The following ATP2B1 variants were observed in gnomAD, a reference collection of about 807,000 sequenced individuals.
ATP2B1 encodes ATPase plasma membrane Ca2+ transporting 1.
Under a neutral mutation model 124.2 loss-of-function variants are expected in ATP2B1, and 14 were observed. The observed-to-expected ratio is 0.11, with a 90% confidence interval of 0.07 to 0.18. The LOEUF is 0.18. Ranked by LOEUF, ATP2B1 falls within the 10% of genes least tolerant of loss-of-function variation. ATP2B1 has a pLI of 1.00. For synonymous variants in ATP2B1, 449 were observed against 492.4 expected (o/e 0.91, Z 1.17); for missense variants, 763 against 1,466.1 (o/e 0.52, Z 7.83).
chr12:89,696,873 C>CAGCT (rs1481112314), intron 1 of ATP2B1, among the ~76,000 whole-genome samples: 1 of 152,096 alleles, frequency 6.6e-6, no homozygotes, highest in Non-Finnish European at 1.5e-5. Context: ...AGGTAGAAGG[C>CAGCT]AGCTACACAG....
chr12:89,702,293 T>C (rs1387377143), intron 1 of ATP2B1, among the ~76,000 whole-genome samples: 3 of 152,138 alleles, frequency 2.0e-5, no homozygotes, highest in African/African-American at 7.2e-5. Context: ...AGCTACTTTA[T>C]AAAAGGCCTT....
intron 15 of ATP2B1, among the ~76,000 whole-genome samples, chr12:89,604,577 G>T (rs549399408): frequency 3.3e-5 from 5 of 152,018 alleles, no homozygotes; most frequent in Non-Finnish European, 5.9e-5. Context: ...TTCAAGTTGG[G>T]TTAAAAATGG....
At chr12:89,662,335 T>C (rs1373381627) in intron 1 of ATP2B1, among the ~76,000 whole-genome samples, 1 of 152,176 alleles carries the variant, frequency 6.6e-6, no homozygotes, top group Non-Finnish European at 1.5e-5. Flanking sequence ...TTGCATGTAA[T>C]ATCTCACTCT....
chr12:89,636,383 G>A (rs1335575269), intron 3 of ATP2B1, among the ~76,000 whole-genome samples: 2 of 151,772 alleles, frequency 1.3e-5, no homozygotes, highest in Non-Finnish European at 2.9e-5. Flanking sequence ...AAACAAAATA[G>A]AAAGGATATG....
chr12:89,699,024 T>A (rs910579213), intron 1 of ATP2B1, among the ~76,000 whole-genome samples: 2 of 152,188 alleles, frequency 1.3e-5, no homozygotes, highest in African/African-American at 4.8e-5. Flanking sequence ...GGGAAAGATA[T>A]CTGGGTATCA....
chr12:89,598,372 T>A (rs1875105878), intron 20 of ATP2B1, among the ~76,000 whole-genome samples: 1 of 152,184 alleles, frequency 6.6e-6, no homozygotes, highest in Non-Finnish European at 1.5e-5. Flanking sequence ...AGCTCACAGA[T>A]TGCATCTAAT....
chr12:89,669,527 T>C (rs1887693449), intron 1 of ATP2B1, among the ~76,000 whole-genome samples: 1 of 152,156 alleles, frequency 6.6e-6, no homozygotes, highest in Non-Finnish European at 1.5e-5. Flanking sequence ...ACAACTTACG[T>C]AGTGCTTCAG....
chr12:89,632,577 T>C (rs1882038983), intron 5 of ATP2B1, among the ~76,000 whole-genome samples: 1 of 152,208 alleles, frequency 6.6e-6, no homozygotes, highest in African/African-American at 2.4e-5. Context: ...GCAGTGAATG[T>C]GCTCAGGCAA....
chr12:89,655,647 A>G, intron 2 of ATP2B1, 32 bp downstream of exon 2: 1 of 1,599,624 alleles, frequency 6.3e-7, no homozygotes, highest in Non-Finnish European at 8.6e-7. Context: ...CTCTTTGCAC[A>G]AAGAACCAAA....
Position 89,601,297 on chromosome 12 carries a change from G to T in ATP2B1, c.3168+29C>A, listed in dbSNP as rs781071734. 2.1e-6 allele frequency: 3 copies of T among 1,443,564 alleles called. No homozygotes were observed. The African/African-American group carries it at 4.4e-5, about 21-fold the overall frequency. The allele number at this position is 1,443,564 out of a possible 1,614,324, so 89.4% of individuals were successfully genotyped here. On this transcript the variant is annotated intron_variant, in intron 19 of 20. Coordinates refer to ENST00000428670, the MANE Select transcript of ATP2B1 (RefSeq NM_001366521.1). Reference sequence around the variant, plus strand: ...AAATTAAAAAAAAAAATCACTTTAGGTTTAAACAAAAACTGATGAAATTTT... The same window carrying T: ...AAATTAAAAAAAAAAATCACTTTAGTTTTAAACAAAAACTGATGAAATTTT...
chr12:89,620,129 T>C lies in ATP2B1; in HGVS notation c.1699A>G (p.Ile567Val), dbSNP rs766672297. The C allele has an allele frequency of 2.5e-6, 4 of 1,613,958 alleles. No homozygotes were observed. Among genetic ancestry groups the C allele is most frequent in the Non-Finnish European group, 3.4e-6 (4 of 1,179,982 alleles). The change falls in exon 11 of 21, where the codon ATA becomes GTA. Residue 567 changes from isoleucine to valine, a missense_variant. By Grantham distance (29) the Ile-to-Val change is conservative (BLOSUM62 3). Coordinates refer to ENST00000428670, the MANE Select transcript of ATP2B1 (RefSeq NM_001366521.1). ...ACTTTGTACAGTGCTTCTTCTGGTA[T>C]TTCATTTCTAACATCCTGATAATCC... ...KRDYQDVRNE[I>V]PEEALYKVYT... is the part of the protein sequence containing the mutation.
intron 13 of ATP2B1, 151 bp from the exon 14 acceptor site, chr12:89,610,659 CATGG>C: frequency 3.1e-6 from 2 of 646,448 alleles, no homozygotes; most frequent in Admixed American, 5.4e-5. Context: ...AATTCTTGGG[CATGG>C]ACCCAGATCT....
intron 20 of ATP2B1, among the ~76,000 whole-genome samples, chr12:89,596,954 G>A (rs1455882806): frequency 6.6e-6 from 1 of 152,088 alleles, no homozygotes; most frequent in Non-Finnish European, 1.5e-5. Flanking sequence ...TCTATCAAGG[G>A]TCATCTTGGG....
chr12:89,640,341 T>G (rs1481196615), intron 3 of ATP2B1, among the ~76,000 whole-genome samples: 1 of 152,220 alleles, frequency 6.6e-6, no homozygotes, highest in Non-Finnish European at 1.5e-5. Flanking sequence ...TTATCTATAG[T>G]GATTTTCAAC....
intron 15 of ATP2B1, among the ~76,000 whole-genome samples, chr12:89,607,421 G>A (rs1877131392): frequency 6.6e-6 from 1 of 152,246 alleles, no homozygotes; most frequent in South Asian, 2.1e-4. Flanking sequence ...AAGGACTTCT[G>A]CCTGAGACAC....
At chr12:89,662,391 A>G (rs183278861) in intron 1 of ATP2B1, among the ~76,000 whole-genome samples, 139 of 152,264 alleles carry the variant, frequency 9.1e-4, no homozygotes, top group African/African-American at 3.2e-3. Context: ...TATCAAACAG[A>G]TACTACAAGA....
intron 1 of ATP2B1, among the ~76,000 whole-genome samples, chr12:89,672,323 G>A (rs1014222112): frequency 2.0e-5 from 3 of 151,950 alleles, no homozygotes; most frequent in African/African-American, 4.8e-5. Flanking sequence ...GCATAGTGGC[G>A]GGTGCCTGTA....
chr12:89,703,343 A>G (rs1892073387), intron 1 of ATP2B1, among the ~76,000 whole-genome samples: 1 of 152,208 alleles, frequency 6.6e-6, no homozygotes, highest in Non-Finnish European at 1.5e-5. Flanking sequence ...GTGAGACAGC[A>G]GTAACTTCTG....
At chr12:89,592,644 C>T (rs1441971419) in intron 20 of ATP2B1, among the ~76,000 whole-genome samples, 1 of 152,050 alleles carries the variant, frequency 6.6e-6, no homozygotes, top group Non-Finnish European at 1.5e-5. Flanking sequence ...TAAATTCCAG[C>T]TCTGCCACTT....
Sources: gnomAD v4.1 joint callset for allele counts (sites outside exome capture counted in the v4.1 genomes callset) on GRCh38, gnomAD v4.1.1 for gene constraint, MANE v1.5 for transcripts, NCBI Gene and HGNC (gene_info 2026-07-23, HGNC 2026-07-21) for gene names.